LRRC20: variants seen among roughly 807,000 people sequenced by gnomAD.
LRRC20 encodes leucine rich repeat containing 20.
A neutral mutation model predicts 14.4 loss-of-function variants in LRRC20; 11 were observed. That is an observed-to-expected ratio of 0.77 (90% CI 0.48 to 1.27). LRRC20 has a LOEUF of 1.27. Among genes scored for constraint, LRRC20 ranks in the 50% most tolerant of loss-of-function variants. The pLI is 0.00. For missense variants in LRRC20, 219 were observed against 251.2 expected (o/e 0.87, Z 0.87); for synonymous variants, 121 against 107.3 (o/e 1.13, Z -0.79).
intron 3 of LRRC20, among the ~76,000 whole-genome samples, chr10:70,327,187 G>T (rs1370167095): frequency 2.0e-5 from 3 of 152,232 alleles, no homozygotes; most frequent in Non-Finnish European, 4.4e-5. Context: ...AACTTGAGTA[G>T]GCTAAGGGAT....
At chr10:70,342,019 C>T (rs1396455206) in intron 2 of LRRC20, among the ~76,000 whole-genome samples, 3 of 151,972 alleles carry the variant, frequency 2.0e-5, no homozygotes, top group Non-Finnish European at 2.9e-5. Context: ...TAAGATTGGG[C>T]GGGGCGCAGT....
At position 70,316,910 on chromosome 10, in the gene LRRC20, G is replaced by T. The variant is rs370082718; in HGVS notation, c.400+6953C>A. Among the ~76,000 whole-genome samples, 9 of 152,366 alleles carry T rather than the reference G, an allele frequency of 5.9e-5. No homozygotes were observed. The East Asian group carries it at 1.5e-3, about 26-fold the overall frequency. On this transcript the variant is annotated intron_variant, in intron 4 of 4. Coordinates refer to ENST00000446961, the MANE Select transcript of LRRC20 (RefSeq NM_001278212.2). ...CATGCGGGGCAGAAGGCATGAAGCT[G>T]CTGGGCATGCAGGCAAGAAGCTACC...
At chr10:70,349,023 G>T (rs933361969) in intron 2 of LRRC20, among the ~76,000 whole-genome samples, 2 of 151,502 alleles carry the variant, frequency 1.3e-5, no homozygotes, top group Non-Finnish European at 2.9e-5. Flanking sequence ...TAGGGAAGGG[G>T]GGCCCCACCC....
intron 1 of LRRC20, among the ~76,000 whole-genome samples, chr10:70,378,361 A>G (rs1844583210): frequency 6.6e-6 from 1 of 152,098 alleles, no homozygotes; most frequent in African/African-American, 2.4e-5. Flanking sequence ...TACACTTGTC[A>G]GCCGGGCGCA....
chr10:70,374,349 GC>G (rs1485348180), intron 2 of LRRC20, among the ~76,000 whole-genome samples: 2 of 91,522 alleles, frequency 2.2e-5, no homozygotes, highest in Admixed American at 1.4e-4. Flanking sequence ...CCCCTGTGAA[GC>G]CTTTTTTTTT....
intron 2 of LRRC20, among the ~76,000 whole-genome samples, chr10:70,348,160 G>A (rs1417975226): frequency 1.3e-5 from 2 of 152,132 alleles, no homozygotes; most frequent in Non-Finnish European, 2.9e-5. Flanking sequence ...CTCCTACCCA[G>A]AACAGCCTGG....
intron 4 of LRRC20, among the ~76,000 whole-genome samples, chr10:70,316,383 T>C (rs561560272): frequency 6.6e-6 from 1 of 152,306 alleles, no homozygotes; most frequent in South Asian, 2.1e-4. Flanking sequence ...TCCACCTACC[T>C]CAGCATACCA....
intron 2 of LRRC20, among the ~76,000 whole-genome samples, chr10:70,361,605 G>A (rs960369434): frequency 3.3e-5 from 5 of 152,200 alleles, no homozygotes; most frequent in Non-Finnish European, 7.3e-5. Context: ...TAAAAAAAGA[G>A]CAGGGCATAC....
intron 2 of LRRC20, among the ~76,000 whole-genome samples, chr10:70,344,685 G>T (rs1035607513): frequency 1.3e-5 from 2 of 152,124 alleles, no homozygotes; most frequent in African/African-American, 4.8e-5. Flanking sequence ...TCCCACCTCA[G>T]CTTCCCGGGT....
chr10:70,302,977 T>C (rs1323474125), intron 4 of LRRC20, among the ~76,000 whole-genome samples: 6 of 151,770 alleles, frequency 4.0e-5, no homozygotes, highest in Non-Finnish European at 2.9e-5. Flanking sequence ...CCCAAAGTGC[T>C]GGGATTACAG....
chr10:70,347,798 A>G (rs915080522), intron 2 of LRRC20, among the ~76,000 whole-genome samples: 6 of 149,664 alleles, frequency 4.0e-5, no homozygotes, highest in Non-Finnish European at 7.4e-5. Flanking sequence ...CAGCCTGGGC[A>G]ACAGAGCGAG....
intron 2 of LRRC20, among the ~76,000 whole-genome samples, chr10:70,360,390 TCCCTCCTCCTCCTCC>T (rs1208508643): frequency 6.7e-6 from 1 of 148,264 alleles, no homozygotes; most frequent in Admixed American, 6.7e-5. Context: ...CCTCCCCATC[TCCCTCCTCCTCCTCC>T]CCCTCCTCCT....
intron 2 of LRRC20, among the ~76,000 whole-genome samples, chr10:70,345,479 A>T (rs1390882430): frequency 6.6e-6 from 1 of 152,236 alleles, no homozygotes; most frequent in Non-Finnish European, 1.5e-5. Context: ...GCATTAAAAA[A>T]ATATAAAACA....
At chr10:70,312,872 C>A (rs1270774288) in intron 4 of LRRC20, among the ~76,000 whole-genome samples, 1 of 152,110 alleles carries the variant, frequency 6.6e-6, no homozygotes, top group East Asian at 1.9e-4. Context: ...ATGGGAAGCA[C>A]GGGATGTTTT....
At chr10:70,352,466 G>A (rs1192105122) in intron 2 of LRRC20, among the ~76,000 whole-genome samples, 1 of 152,184 alleles carries the variant, frequency 6.6e-6, no homozygotes, top group African/African-American at 2.4e-5. Context: ...GAGCACAGAG[G>A]ATTCTCAGGC....
chr10:70,367,255 C>T (rs987858640), intron 2 of LRRC20, among the ~76,000 whole-genome samples: 1 of 139,328 alleles, frequency 7.2e-6, no homozygotes, highest in Admixed American at 7.9e-5. Context: ...GCCCAGGGGG[C>T]GGAGGCTGCA....
intron 4 of LRRC20, among the ~76,000 whole-genome samples, chr10:70,317,881 C>T (rs1841927958): frequency 1.3e-5 from 2 of 152,230 alleles, no homozygotes; most frequent in South Asian, 2.1e-4. Flanking sequence ...TCTGGCCTGG[C>T]AGGAGGCAGA....
chr10:70,338,116 T>A (rs1196369296), intron 3 of LRRC20, among the ~76,000 whole-genome samples: 1 of 152,190 alleles, frequency 6.6e-6, no homozygotes, highest in Non-Finnish European at 1.5e-5. Context: ...GTCCTCCAAG[T>A]CATAGGGATT....
intron 2 of LRRC20, among the ~76,000 whole-genome samples, chr10:70,366,099 A>C (rs1428924771): frequency 6.7e-6 from 1 of 148,224 alleles, no homozygotes; most frequent in Non-Finnish European, 1.5e-5. Context: ...ACAACAAAAA[A>C]CGAATGGATA....
Sources: allele counts gnomAD v4.1 joint callset (sites outside exome capture counted in the v4.1 genomes callset), GRCh38; gene constraint gnomAD v4.1.1; transcripts MANE v1.5; gene names NCBI Gene and HGNC (gene_info 2026-07-23, HGNC 2026-07-21).